KIAA0232: variants seen among roughly 807,000 people sequenced by gnomAD.
KIAA0232 encodes the protein uncharacterized protein KIAA0232.
In KIAA0232, 27 loss-of-function variants were observed where a neutral mutation model predicts 122.0. The ratio of observed to expected loss-of-function variants is 0.22; its 90% CI spans 0.16 to 0.31. The LOEUF (loss-of-function observed/expected upper bound fraction) is 0.31. KIAA0232 is among the 10% of genes least tolerant of loss of function. The pLI is 1.00. For missense variants in KIAA0232, 1,551 were observed against 1,634.2 expected (o/e 0.95, Z 0.88); for synonymous variants, 613 against 587.6 (o/e 1.04, Z -0.63).
chr4:6,848,822 T>G (rs1720114836), intron 4 of KIAA0232, among the ~76,000 whole-genome samples: 1 of 152,206 alleles, frequency 6.6e-6, no homozygotes, highest in Non-Finnish European at 1.5e-5. Flanking sequence ...AGTGATGCTG[T>G]GCTCTCTCTA....
chr4:6,846,627 A>C (rs1560190125), intron 4 of KIAA0232, among the ~76,000 whole-genome samples: 1 of 151,878 alleles, frequency 6.6e-6, no homozygotes, highest in South Asian at 2.1e-4. Flanking sequence ...CCACTGCCTT[A>C]AACCAGCTCA....
At position 6,861,146 on chromosome 4, in the gene KIAA0232, A is replaced by G; in HGVS notation, c.764A>G (p.Lys255Arg). Residue 255 changes from lysine to arginine, a missense_variant, in exon 7 of 10, where the codon AAG becomes AGG. Around this residue, in one of 5 missense-constraint regions of KIAA0232, gnomAD observed 377 missense variants for 381.7 expected, o/e 0.99. Transcript: ENST00000307659. ...ACCCAGAGCAAAAGCAAAAACGAGA[A>G]GGAAAACAAATTTAGTAATGGCACA... Reference protein sequence around the residue: ...EKTQSKSKNEKENKFSNGTIE... With the variant: ...EKTQSKSKNERENKFSNGTIE... 6.2e-7 allele frequency: 1 copy of G among 1,614,242 alleles called. No homozygotes were observed. The highest frequency in any genetic ancestry group is 8.5e-7 in the Non-Finnish European group (1 of 1,180,044).
At chr4:6,810,962 C>T (rs553239855) in intron 2 of KIAA0232, among the ~76,000 whole-genome samples, 6 of 152,144 alleles carry the variant, frequency 3.9e-5, no homozygotes, top group East Asian at 1.9e-4. Context: ...AGTATTTGCA[C>T]GGATGCAGAG....
At chr4:6,814,478 CAG>C (rs1010534954) in intron 2 of KIAA0232, among the ~76,000 whole-genome samples, 1 of 151,476 alleles carries the variant, frequency 6.6e-6, no homozygotes, top group Non-Finnish European at 1.5e-5. Context: ...CTATTAGTAA[CAG>C]AACTTGTAAT....
At chr4:6,869,123 T>G (rs1205724117) in intron 7 of KIAA0232, among the ~76,000 whole-genome samples, 2 of 152,086 alleles carry the variant, frequency 1.3e-5, no homozygotes, top group Admixed American at 6.5e-5. Context: ...GGATCTAAAC[T>G]CGTCTTGGTT....
chr4:6,826,966 C>G (rs1238194099), intron 3 of KIAA0232, among the ~76,000 whole-genome samples: 1 of 152,166 alleles, frequency 6.6e-6, no homozygotes, highest in Admixed American at 6.5e-5. Flanking sequence ...GATGAACTAT[C>G]AGTATCTGCA....
intron 2 of KIAA0232, among the ~76,000 whole-genome samples, chr4:6,813,351 G>GTTTTTTTTTTT (rs539648260): frequency 3.6e-5 from 5 of 140,720 alleles, no homozygotes; most frequent in African/African-American, 5.2e-5. Context: ...ACTTAGATCT[G>GTTTTTTTTTTT]TTTTTTTTTT....
At chr4:6,844,001 G>A (rs1033347014) in intron 4 of KIAA0232, among the ~76,000 whole-genome samples, 3 of 127,190 alleles carry the variant, frequency 2.4e-5, no homozygotes, top group Non-Finnish European at 3.2e-5. Flanking sequence ...GTGCAGTGGC[G>A]CCATCTCGGC....
intron 3 of KIAA0232, among the ~76,000 whole-genome samples, chr4:6,832,634 C>T (rs1258988043): frequency 6.6e-6 from 1 of 152,168 alleles, no homozygotes; most frequent in East Asian, 1.9e-4. Context: ...CAGAAGTGAA[C>T]CACCACGCCC....
chr4:6,820,911 C>G (rs1242378819), intron 2 of KIAA0232, among the ~76,000 whole-genome samples: 1 of 152,142 alleles, frequency 6.6e-6, no homozygotes, highest in African/African-American at 2.4e-5. Context: ...AGGGTCATGC[C>G]ATGGCAGAAA....
At chr4:6,822,595 T>C (rs1428786330) in intron 2 of KIAA0232, among the ~76,000 whole-genome samples, 2 of 152,166 alleles carry the variant, frequency 1.3e-5, no homozygotes, top group African/African-American at 2.4e-5. Context: ...TAGTGGTTTG[T>C]AAATTAACCA....
At chr4:6,830,151 G>A (rs562810304) in intron 3 of KIAA0232, among the ~76,000 whole-genome samples, 1 of 152,144 alleles carries the variant, frequency 6.6e-6, no homozygotes, top group Non-Finnish European at 1.5e-5. Flanking sequence ...ACTGTTGAAG[G>A]CACTCATTTT....
At chr4:6,851,937 C>T (rs1179510604) in intron 4 of KIAA0232, among the ~76,000 whole-genome samples, 1 of 152,106 alleles carries the variant, frequency 6.6e-6, no homozygotes, top group East Asian at 1.9e-4. Context: ...TGTTACATCA[C>T]CCTGCTAAAG....
intron 1 of KIAA0232, among the ~76,000 whole-genome samples, chr4:6,802,181 A>G (rs1717412353): frequency 6.6e-6 from 1 of 152,224 alleles, no homozygotes; most frequent in Non-Finnish European, 1.5e-5. Context: ...ATGCCCAATT[A>G]TAGCATAGCC....
chr4:6,837,948 A>G (rs377513582), intron 3 of KIAA0232, among the ~76,000 whole-genome samples: 4 of 152,010 alleles, frequency 2.6e-5, no homozygotes, highest in Admixed American at 1.3e-4. Context: ...AGGGAGAGGC[A>G]GAGGCGGTTG....
At chr4:6,807,893 C>T (rs1009401518) in intron 2 of KIAA0232, among the ~76,000 whole-genome samples, 1 of 152,130 alleles carries the variant, frequency 6.6e-6, no homozygotes, top group African/African-American at 2.4e-5. Flanking sequence ...CATGGTGAAA[C>T]CCCATCTCTA....
chr4:6,845,550 A>G (rs950536669), intron 4 of KIAA0232, among the ~76,000 whole-genome samples: 23 of 152,078 alleles, frequency 1.5e-4, no homozygotes, highest in East Asian at 7.7e-4. Flanking sequence ...TTGTAGATTG[A>G]TAAGTAATTT....
intron 1 of KIAA0232, among the ~76,000 whole-genome samples, chr4:6,795,583 G>A (rs1158554286): frequency 1.3e-5 from 2 of 151,908 alleles, no homozygotes; most frequent in African/African-American, 4.8e-5. Flanking sequence ...TTTTTAATAT[G>A]GCTACTAGAA....
chr4:6,870,673 A>G (rs1004913561), intron 7 of KIAA0232, among the ~76,000 whole-genome samples: 1 of 152,072 alleles, frequency 6.6e-6, no homozygotes, highest in Non-Finnish European at 1.5e-5. Context: ...GTGGTGGTAC[A>G]TGCCTGTAGT....
Sources: allele counts gnomAD v4.1 joint callset (sites outside exome capture counted in the v4.1 genomes callset), GRCh38; gene constraint gnomAD v4.1.1; regional missense constraint gnomAD v4.1.1; transcripts MANE v1.5; gene names NCBI Gene and HGNC (gene_info 2026-07-23, HGNC 2026-07-21).